LCP2: variants seen among roughly 807,000 people sequenced by gnomAD.
LCP2 encodes 76 kDa tyrosine phosphoprotein.
LCP2 carries 29 observed loss-of-function variants against 74.5 expected under a neutral mutation model. That is an observed-to-expected ratio of 0.39 (90% CI 0.29 to 0.53). The LOEUF (loss-of-function observed/expected upper bound fraction) is 0.53, where lower values mean the gene tolerates loss of function less well. LCP2 is among the 20% of genes least tolerant of loss of function. LCP2 has a pLI of 0.72. For synonymous variants in LCP2, 228 were observed against 229.5 expected (o/e 0.99, Z 0.06); for missense variants, 604 against 634.6 (o/e 0.95, Z 0.52).
intron 1 of LCP2, among the ~76,000 whole-genome samples, chr5:170,294,190 C>A (rs897906007): frequency 3.3e-5 from 5 of 152,164 alleles, no homozygotes; most frequent in African/African-American, 1.2e-4. Flanking sequence ...AACTTATATA[C>A]AGTAAGTAAA....
At position 170,297,639 on chromosome 5, in the gene LCP2, A is replaced by G. The variant is rs1264750254; in HGVS notation, c.-28T>C. 1 of 1,589,880 alleles carries G rather than the reference A, an allele frequency of 6.3e-7. No individual in the cohort carries two copies. The highest frequency in any genetic ancestry group is 1.1e-5 in the South Asian group (1 of 87,834). ...CTGCTCTCCCGGGAAGAAGCTCACA[A>G]GCTGAGCATGGGCGCTTCACCCATG... On this transcript the variant is annotated 5_prime_UTR_variant, in exon 1 of 21. Transcript: ENST00000046794.
intron 17 of LCP2, among the ~76,000 whole-genome samples, chr5:170,255,492 C>T (rs572186057): frequency 8.0e-4 from 122 of 152,236 alleles, no homozygotes; most frequent in Non-Finnish European, 5.9e-4. Flanking sequence ...AAATTTAAGT[C>T]AACATTTAAA....
At chr5:170,297,479 C>T in intron 1 of LCP2, 55 bp downstream of exon 1, 1 of 1,495,362 alleles carries the variant, frequency 6.7e-7, no homozygotes, top group Non-Finnish European at 9.2e-7. Flanking sequence ...CAAGCCTCAG[C>T]TCAGCCCACC....
intron 20 of LCP2, 124 bp downstream of exon 20, chr5:170,250,606 T>C: frequency 2.7e-6 from 2 of 741,458 alleles, no homozygotes. Flanking sequence ...AATGAAGGGC[T>C]TCACTCATGT....
At chr5:170,249,742 G>A (rs184386288) in intron 20 of LCP2, among the ~76,000 whole-genome samples, 129 of 152,286 alleles carry the variant, frequency 8.5e-4, no homozygotes, top group Middle Eastern at 6.8e-3. Flanking sequence ...GCTTGCTAGA[G>A]AGGGAAAAGC....
At chr5:170,276,804 C>A (rs1762014399) in intron 3 of LCP2, among the ~76,000 whole-genome samples, 1 of 151,956 alleles carries the variant, frequency 6.6e-6, no homozygotes, top group Non-Finnish European at 1.5e-5. Context: ...CTGGAAGGAA[C>A]CTCAGATTAT....
chr5:170,258,667 G>T (rs532867021), intron 15 of LCP2, among the ~76,000 whole-genome samples, 199 bp downstream of exon 15: 70 of 152,298 alleles, frequency 4.6e-4, no homozygotes, highest in African/African-American at 1.7e-3. Context: ...CATGAATTTA[G>T]TCTTCTTCGG....
intron 4 of LCP2, 115 bp from the exon 5 acceptor site, chr5:170,275,466 C>T (rs1761991003): frequency 2.5e-6 from 3 of 1,204,058 alleles, no homozygotes; most frequent in Non-Finnish European, 3.7e-6. Flanking sequence ...TCTCACTGCT[C>T]AAGAGAGGTT....
chr5:170,286,205 G>T (rs1762181275), intron 3 of LCP2, among the ~76,000 whole-genome samples: 1 of 152,214 alleles, frequency 6.6e-6, no homozygotes, highest in Admixed American at 6.5e-5. Context: ...GGACCCTGGT[G>T]AACTGGGGAG....
At chr5:170,294,477 G>C (rs1253798025) in intron 1 of LCP2, among the ~76,000 whole-genome samples, 17 of 152,188 alleles carry the variant, frequency 1.1e-4, no homozygotes, top group Admixed American at 1.1e-3. Context: ...TCAACTTGCT[G>C]CTTTGGGGTG....
At position 170,256,685 on chromosome 5, in the gene LCP2, T is replaced by C; in HGVS notation, c.1101-110A>G. On this transcript the variant is annotated intron_variant, in intron 16 of 20. Transcript: ENST00000046794. This position sits in a 1 kb window ranked among gnomAD's most constrained non-coding sequence, Gnocchi z 4.5. ...CAAATGCTTCTTGATTTGGTATCAC[T>C]TTCCCTGCTGCCCCCAAAACCATGG... 1.3e-6 allele frequency: 1 copy of C among 771,170 alleles called. No homozygotes were observed. The highest frequency in any genetic ancestry group is 2.3e-6 in the Non-Finnish European group (1 of 433,530). 47.8% of individuals were successfully genotyped at this position (771,170 alleles called of 1,614,324 possible).
intron 10 of LCP2, among the ~76,000 whole-genome samples, 198 bp from the exon 11 acceptor site, chr5:170,263,190 G>C (rs539667021): frequency 4.6e-5 from 7 of 152,162 alleles, no homozygotes; most frequent in African/African-American, 1.7e-4. Flanking sequence ...AAATTAAATG[G>C]CTTGACCATT....
intron 17 of LCP2, among the ~76,000 whole-genome samples, chr5:170,255,886 C>T (rs112486337): frequency 4.6e-5 from 7 of 152,194 alleles, no homozygotes; most frequent in African/African-American, 7.2e-5. Flanking sequence ...TAATCATGGA[C>T]GTCCAGAGGT....
At chr5:170,251,806 A>C in intron 19 of LCP2, 1 of 332,678 alleles carries the variant, frequency 3.0e-6, no homozygotes, top group South Asian at 2.2e-5. Flanking sequence ...GAGACCCAGG[A>C]ATCGGGATTT....
chr5:170,263,654 T>C (rs1761700924), intron 10 of LCP2, among the ~76,000 whole-genome samples: 1 of 152,242 alleles, frequency 6.6e-6, no homozygotes, highest in Non-Finnish European at 1.5e-5. Context: ...ACAAAGTTAT[T>C]CAAAGTAATT....
chr5:170,261,574 A>G lies in LCP2; in HGVS notation c.927-437T>C, dbSNP rs147386879. 2.5e-3 allele frequency among the ~76,000 whole-genome samples: 379 copies of G among 152,330 alleles called. 1 individual carries two copies. The highest frequency in any genetic ancestry group is 8.9e-3 in the African/African-American group (369 of 41,574). On this transcript the variant is annotated intron_variant, in intron 13 of 20. Coordinates refer to ENST00000046794, the MANE Select transcript of LCP2 (RefSeq NM_005565.5). ...CCAAGAAATGAAAACATTTTAGGTA[A>G]TATTCTCCCTTGCTCTTGCTTTAAA...
chr5:170,273,037 T>A (rs1192144612), intron 6 of LCP2, among the ~76,000 whole-genome samples: 1 of 84,452 alleles, frequency 1.2e-5, no homozygotes, highest in Non-Finnish European at 2.2e-5. Context: ...TCAAATAAAC[T>A]CCTTAAAAAA....
intron 6 of LCP2, chr5:170,273,707 TTCCTGGGGAGG>T: frequency 6.5e-6 from 1 of 154,804 alleles, no homozygotes; most frequent in Admixed American, 6.3e-5. Flanking sequence ...TGTATACAGG[TTCCTGGGGAGG>T]GGTTGTACAA....
intron 10 of LCP2, among the ~76,000 whole-genome samples, chr5:170,265,544 C>T (rs1761738091): frequency 6.6e-6 from 1 of 152,146 alleles, no homozygotes; most frequent in Non-Finnish European, 1.5e-5. Context: ...TCTGATGTCT[C>T]GGCTCGTGGT....
Sources: gnomAD v4.1 joint callset for allele counts (sites outside exome capture counted in the v4.1 genomes callset) on GRCh38, gnomAD v4.1.1 for gene constraint, Gnocchi (gnomAD v3.1) non-coding constraint, MANE v1.5 for transcripts, NCBI Gene and HGNC (gene_info 2026-07-23, HGNC 2026-07-21) for gene names.